Variants in MCTP1 observed in about 807,000 individuals in gnomAD.
MCTP1 encodes multiple C2 and transmembrane domain-containing protein 1.
A neutral mutation model predicts 120.6 loss-of-function variants in MCTP1; 69 were observed. The ratio of observed to expected loss-of-function variants is 0.57; its 90% CI spans 0.47 to 0.70. The LOEUF (loss-of-function observed/expected upper bound fraction) is 0.70, where lower values mean the gene tolerates loss of function less well. Ranked by LOEUF, MCTP1 falls within the 30% of genes least tolerant of loss-of-function variation. The probability of loss-of-function intolerance (pLI) is 0.00; values close to 1 mark genes in which losing one functional copy is unlikely to be tolerated. For synonymous variants in MCTP1, 529 were observed against 493.1 expected (o/e 1.07, Z -0.96); for missense variants, 1,203 against 1,248.8 (o/e 0.96, Z 0.55).
At chr5:95,199,675 T>A (rs1372943821) in intron 1 of MCTP1, among the ~76,000 whole-genome samples, 1 of 151,776 alleles carries the variant, frequency 6.6e-6, no homozygotes, top group Non-Finnish European at 1.5e-5. Flanking sequence ...CTGGCCAACA[T>A]GGTGAAATCC....
chr5:95,174,369 C>A (rs1747724808), intron 1 of MCTP1, among the ~76,000 whole-genome samples: 1 of 151,678 alleles, frequency 6.6e-6, no homozygotes, highest in South Asian at 2.1e-4. Context: ...GATACTAAAC[C>A]CAAGAACCAA....
chr5:95,235,768 T>C (rs1755473956), intron 1 of MCTP1, among the ~76,000 whole-genome samples: 1 of 152,192 alleles, frequency 6.6e-6, no homozygotes, highest in Non-Finnish European at 1.5e-5. Flanking sequence ...GACATAATCA[T>C]CTTTGTGGAA....
chr5:94,880,879 T>C (rs1018398554), intron 12 of MCTP1, among the ~76,000 whole-genome samples: 1 of 152,120 alleles, frequency 6.6e-6, no homozygotes, highest in Non-Finnish European at 1.5e-5. Context: ...CTGTAGTAAT[T>C]AGAAAATCTT....
chr5:95,073,966 T>A (rs537666924), intron 1 of MCTP1, among the ~76,000 whole-genome samples: 32 of 151,604 alleles, frequency 2.1e-4, no homozygotes, highest in African/African-American at 7.0e-4. Flanking sequence ...CAAAAAAAAA[T>A]TTGGCCGGGC....
chr5:95,177,523 T>C (rs1748140563), intron 1 of MCTP1, among the ~76,000 whole-genome samples: 1 of 152,184 alleles, frequency 6.6e-6, no homozygotes, highest in South Asian at 2.1e-4. Context: ...CATTAAGCAT[T>C]AAGAGTAGTA....
chr5:95,242,992 TA>T (rs1756338623), intron 1 of MCTP1, among the ~76,000 whole-genome samples: 1 of 152,192 alleles, frequency 6.6e-6, no homozygotes, highest in Non-Finnish European at 1.5e-5. Flanking sequence ...GAACTTCCAC[TA>T]TTTAGGACAT....
intron 1 of MCTP1, among the ~76,000 whole-genome samples, chr5:95,160,128 T>C (rs555745287): frequency 2.0e-5 from 3 of 152,284 alleles, no homozygotes; most frequent in Admixed American, 1.3e-4. Context: ...TTGTGAGCCA[T>C]AGAATGTTAC....
intron 2 of MCTP1, among the ~76,000 whole-genome samples, chr5:94,997,634 C>T (rs1364744582): frequency 1.3e-5 from 2 of 152,116 alleles, no homozygotes; most frequent in Non-Finnish European, 2.9e-5. Context: ...CTCTTTCTGC[C>T]CCTGTACTAC....
intron 17 of MCTP1, 53 bp downstream of exon 17, chr5:94,868,280 T>A (rs1395528432): frequency 6.6e-7 from 1 of 1,505,158 alleles, no homozygotes; most frequent in Non-Finnish European, 8.9e-7. Context: ...AACATGCAGC[T>A]ATGATTACTG....
chr5:94,954,553 T>A (rs1248046982), intron 2 of MCTP1, among the ~76,000 whole-genome samples: 4 of 152,140 alleles, frequency 2.6e-5, no homozygotes, highest in African/African-American at 7.2e-5. Context: ...CCTAAATCTA[T>A]TTTTTAAAAC....
chr5:94,998,007 G>T (rs1832942717), intron 2 of MCTP1, among the ~76,000 whole-genome samples: 1 of 152,040 alleles, frequency 6.6e-6, no homozygotes, highest in Non-Finnish European at 1.5e-5. Context: ...AGTAGAAAAT[G>T]GTCACTGAGT....
intron 1 of MCTP1, among the ~76,000 whole-genome samples, chr5:95,034,825 A>G (rs1336774705): frequency 6.6e-6 from 1 of 152,102 alleles, no homozygotes; most frequent in African/African-American, 2.4e-5. Flanking sequence ...TATGCATCCA[A>G]CAAAAGACTA....
intron 1 of MCTP1, among the ~76,000 whole-genome samples, chr5:95,235,854 TAG>T (rs1390685395): frequency 1.3e-5 from 2 of 152,102 alleles, no homozygotes; most frequent in Admixed American, 1.3e-4. Context: ...AGAGCTGGAG[TAG>T]AGAACCTAGT....
rs1817924488 is a variant in MCTP1, at chr5:94,942,362, T to C, written c.1047A>G (p.Gln349=). 6.2e-7 allele frequency: 1 copy of C among 1,611,180 alleles called. No individual in the cohort carries two copies. The highest frequency in any genetic ancestry group is 8.5e-7 in the Non-Finnish European group (1 of 1,178,046). Residue 349 remains glutamine, a synonymous_variant, in exon 4 of 23, where the codon CAA becomes CAG. Transcript: ENST00000515393. ...FMGSAFLDLT[Q]LELNRPTDVT... is the part of the protein sequence containing the mutation. ...TCAAAAGTTACCTGTTTAACTCCAATTGTGTCAGATCCAGAAAGGCTGAGC... is the reference window on the plus strand; with the variant it reads ...TCAAAAGTTACCTGTTTAACTCCAACTGTGTCAGATCCAGAAAGGCTGAGC...
At chr5:94,714,100 A>G (rs116104780) in intron 20 of MCTP1, among the ~76,000 whole-genome samples, 238 of 152,116 alleles carry the variant, frequency 1.6e-3, no homozygotes, top group African/African-American at 5.4e-3. Context: ...AAAAAAATAT[A>G]ACATTAGTTT....
chr5:95,243,082 G>A (rs1756351693), intron 1 of MCTP1, among the ~76,000 whole-genome samples: 1 of 152,116 alleles, frequency 6.6e-6, no homozygotes, highest in East Asian at 1.9e-4. Flanking sequence ...TTCCTCTTAA[G>A]ACTGTGATAC....
chr5:95,127,100 T>C (rs571617454), intron 1 of MCTP1, among the ~76,000 whole-genome samples: 3 of 152,158 alleles, frequency 2.0e-5, no homozygotes, highest in African/African-American at 4.8e-5. Context: ...TTCAGAAATA[T>C]AGCAGGCAAA....
intron 1 of MCTP1, among the ~76,000 whole-genome samples, chr5:95,152,043 GA>G (rs1195101642): frequency 6.6e-6 from 1 of 152,038 alleles, no homozygotes; most frequent in African/African-American, 2.4e-5. Flanking sequence ...AAACAGTACG[GA>G]AAAAAAGTTT....
chr5:94,893,893 T>A (rs1803267062), intron 11 of MCTP1, among the ~76,000 whole-genome samples: 1 of 152,224 alleles, frequency 6.6e-6, no homozygotes, highest in Admixed American at 6.5e-5. Context: ...TTTCCCAGCT[T>A]CATGGGTACT....
Sources: gnomAD v4.1 joint callset for allele counts (sites outside exome capture counted in the v4.1 genomes callset) on GRCh38, gnomAD v4.1.1 for gene constraint, MANE v1.5 for transcripts, NCBI Gene and HGNC (gene_info 2026-07-23, HGNC 2026-07-21) for gene names.